PTPN13: variants seen among roughly 807,000 people sequenced by gnomAD.
PTPN13 encodes protein tyrosine phosphatase non-receptor type 13.
A neutral mutation model predicts 284.0 loss-of-function variants in PTPN13; 191 were observed. The observed-to-expected ratio is 0.67, with a 90% CI of 0.60 to 0.76. PTPN13 has a LOEUF of 0.76. Among genes scored for constraint, PTPN13 ranks in the 30% least tolerant of loss-of-function variants. PTPN13 has a pLI of 0.00. For synonymous variants in PTPN13, 986 were observed against 1,022.3 expected, an observed-to-expected ratio of 0.96 and a Z score of 0.68; for missense variants, 2,797 against 2,939.9, an observed-to-expected ratio of 0.95 and a Z score of 1.12.
At chr4:86,700,434 A>G (rs1731035614) in intron 6 of PTPN13, among the ~76,000 whole-genome samples, 3 of 152,226 alleles carry the variant, frequency 2.0e-5, no homozygotes, top group Middle Eastern at 6.8e-3. Context: ...TTCTGGATGG[A>G]CATTTTTGGT....
At chr4:86,598,195 G>A (rs959796966) in intron 1 of PTPN13, among the ~76,000 whole-genome samples, 7 of 151,220 alleles carry the variant, frequency 4.6e-5, no homozygotes, top group Admixed American at 3.3e-4. Context: ...CTGGAATACA[G>A]TGGCACAATC....
At chr4:86,663,773 T>C (rs1234376608) in intron 2 of PTPN13, among the ~76,000 whole-genome samples, 2 of 152,208 alleles carry the variant, frequency 1.3e-5, no homozygotes, top group African/African-American at 4.8e-5. Context: ...TCTGCCTTTC[T>C]AATAAAATAA....
At chr4:86,742,746 C>G (rs1482761518) in intron 16 of PTPN13, among the ~76,000 whole-genome samples, 4 of 152,196 alleles carry the variant, frequency 2.6e-5, no homozygotes, top group Non-Finnish European at 5.9e-5. Flanking sequence ...GTTTAACTTA[C>G]CTTCCCCCAG....
At chr4:86,683,554 T>C (rs1257365910) in intron 3 of PTPN13, among the ~76,000 whole-genome samples, 1 of 152,216 alleles carries the variant, frequency 6.6e-6, no homozygotes, top group Non-Finnish European at 1.5e-5. Context: ...CTCAGTCTAC[T>C]GATGTAAATG....
chr4:86,624,135 G>A (rs538167910), intron 1 of PTPN13, among the ~76,000 whole-genome samples: 4 of 152,078 alleles, frequency 2.6e-5, no homozygotes, highest in Admixed American at 1.3e-4. Context: ...TTGGTGGATC[G>A]TTCCATTCTT....
At position 86,597,511 on chromosome 4, in the gene PTPN13, A is replaced by C. The variant is rs971796355; in HGVS notation, c.-6+2722A>C. 2.6e-5 allele frequency among the ~76,000 whole-genome samples: 4 copies of C among 152,246 alleles called. 1 individual carries two copies. Among genetic ancestry groups the C allele is most frequent in the Admixed American group, 1.3e-4 (2 of 15,292 alleles). On this transcript the variant is annotated intron_variant, in intron 1 of 47. Transcript: ENST00000411767. ...TTAATGTAGGACTTTTAATGGCTTA[A>C]GTTAAAGTTGAAAGTTTCATACTAG...
At chr4:86,595,106 A>G (rs1763506900) in intron 1 of PTPN13, among the ~76,000 whole-genome samples, 1 of 152,072 alleles carries the variant, frequency 6.6e-6, no homozygotes, top group South Asian at 2.1e-4. Context: ...ATTGTGGGGT[A>G]ATAGGGAGTG....
At chr4:86,737,785 AGT>A (rs781222085) in intron 15 of PTPN13, among the ~76,000 whole-genome samples, 7 of 152,172 alleles carry the variant, frequency 4.6e-5, no homozygotes, top group Middle Eastern at 3.4e-3. Flanking sequence ...GTAGGAGTGC[AGT>A]GGCATGATCT....
intron 40 of PTPN13, among the ~76,000 whole-genome samples, chr4:86,791,023 C>G (rs1178645092): frequency 6.6e-6 from 1 of 152,052 alleles, no homozygotes; most frequent in African/African-American, 2.4e-5. Context: ...AGAGGGTGGG[C>G]TGAAGCAGGG....
intron 3 of PTPN13, among the ~76,000 whole-genome samples, chr4:86,686,508 T>C (rs1282788300): frequency 3.3e-5 from 5 of 152,234 alleles, no homozygotes; most frequent in Non-Finnish European, 7.3e-5. Context: ...GCTGGGGAAT[T>C]AGGAAAACAT....
intron 1 of PTPN13, among the ~76,000 whole-genome samples, chr4:86,609,926 T>A (rs1028127196): frequency 2.6e-5 from 4 of 152,210 alleles, no homozygotes; most frequent in African/African-American, 9.6e-5. Context: ...TAGAAATTTT[T>A]AAAAACATGT....
chr4:86,727,850 T>C (rs9762349), intron 10 of PTPN13, among the ~76,000 whole-genome samples: 9,389 of 149,026 alleles, frequency 0.063, 1,256 homozygotes, highest in African/African-American at 0.22. Flanking sequence ...TTCTTGCCTT[T>C]TGCTAGCTTT....
chr4:86,643,879 G>A (rs775769719), intron 2 of PTPN13, among the ~76,000 whole-genome samples: 1 of 152,080 alleles, frequency 6.6e-6, no homozygotes, highest in Non-Finnish European at 1.5e-5. Flanking sequence ...ATCACTTCAT[G>A]TGTACATAAC....
intron 37 of PTPN13, among the ~76,000 whole-genome samples, chr4:86,784,049 T>G (rs1181430316): frequency 6.6e-6 from 1 of 152,116 alleles, no homozygotes; most frequent in Non-Finnish European, 1.5e-5. Context: ...TTCCCTCAAC[T>G]TCTAAGCTTT....
intron 18 of PTPN13, 36 bp from the exon 19 acceptor site, chr4:86,750,991 T>A: frequency 6.4e-7 from 1 of 1,566,410 alleles, no homozygotes; most frequent in Non-Finnish European, 8.7e-7. Flanking sequence ...TTTTTTACAT[T>A]AACACTTCCC....
chr4:86,811,136 G>A (rs369122805), intron 47 of PTPN13, 28 bp downstream of exon 47: 85 of 1,582,886 alleles, frequency 5.4e-5, no homozygotes, highest in Non-Finnish European at 7.2e-5. Context: ...CTCCTAATGA[G>A]AATTTTTGTA....
At chr4:86,658,986 A>G (rs540173486) in intron 2 of PTPN13, among the ~76,000 whole-genome samples, 1 of 152,308 alleles carries the variant, frequency 6.6e-6, no homozygotes, top group South Asian at 2.1e-4. Context: ...TGGTAGAATT[A>G]AATAAATTCT....
chr4:86,771,648 G>GC, intron 31 of PTPN13, 113 bp downstream of exon 31: 1 of 1,181,188 alleles, frequency 8.5e-7, no homozygotes, highest in Admixed American at 2.8e-5. Context: ...CCTTCACAGT[G>GC]GTTAGGCAGA....
chr4:86,629,402 C>A (rs1300373991), intron 1 of PTPN13, among the ~76,000 whole-genome samples: 1 of 150,414 alleles, frequency 6.6e-6, no homozygotes, highest in African/African-American at 2.5e-5. Flanking sequence ...TATGAGATAT[C>A]ATCTCACACC....
Sources: gnomAD v4.1 joint callset for allele counts (sites outside exome capture counted in the v4.1 genomes callset) on GRCh38, gnomAD v4.1.1 for gene constraint, MANE v1.5 for transcripts, NCBI Gene and HGNC (gene_info 2026-07-23, HGNC 2026-07-21) for gene names.